NHSL1: variants seen among roughly 807,000 people sequenced by gnomAD.
NHSL1 encodes the protein NHS-like protein 1.
NHSL1 carries 48 observed loss-of-function variants against 95.0 expected under a neutral mutation model. The ratio of observed to expected loss-of-function variants is 0.51; its 90% CI spans 0.40 to 0.64. NHSL1 has a LOEUF of 0.64. Among genes scored for constraint, NHSL1 ranks in the 30% least tolerant of loss-of-function variants. The pLI, the probability that NHSL1 is intolerant of heterozygous loss-of-function variation, is 0.00. For missense variants in NHSL1, 1,971 were observed against 2,077.7 expected (o/e 0.95, Z 1.00); for synonymous variants, 783 against 833.9 (o/e 0.94, Z 1.05).
chr6:138,505,652 CAAAAA>C (rs10559023), intron 1 of NHSL1, among the ~76,000 whole-genome samples: 2 of 87,712 alleles, frequency 2.3e-5, no homozygotes, highest in African/African-American at 4.3e-5. Context: ...GACTCCATTT[CAAAAA>C]AAAAAAAAAA....
At chr6:138,469,600 C>T (rs1778623851) in intron 3 of NHSL1, among the ~76,000 whole-genome samples, 1 of 152,010 alleles carries the variant, frequency 6.6e-6, no homozygotes, top group Non-Finnish European at 1.5e-5. Flanking sequence ...TGATGTGTAC[C>T]TGTAATCTCA....
At chr6:138,653,822 G>A (rs1268843663) in intron 1 of NHSL1, among the ~76,000 whole-genome samples, 2 of 152,130 alleles carry the variant, frequency 1.3e-5, no homozygotes, top group Non-Finnish European at 2.9e-5. Flanking sequence ...AAATACATAT[G>A]AAATGTTTCA....
In NHSL1 at chr6:138,433,378, G is replaced by A. The variant is rs1439224929; in HGVS notation, c.967C>T (p.His323Tyr). 4 of 1,552,158 alleles carry A rather than the reference G, an allele frequency of 2.6e-6. No homozygotes were observed. In the African/African-American group the frequency reaches 5.5e-5, roughly 21 times the overall value. Residue 323 changes from histidine (H) to tyrosine (Y), a missense_variant, in exon 6 of 8, where the codon CAT becomes TAT. By Grantham distance (83) the His-to-Tyr change is moderately conservative. This residue lies in a region of NHSL1 where 1,602 missense variants were observed against 1,654.5 expected (regional missense o/e 0.97). Transcript: ENST00000343505. ...CTTGCTCCAGAACGCGGAAGACTATGGAAGCCAGCATCACTGTCAAGGCGG... is the reference window on the plus strand; with the variant it reads ...CTTGCTCCAGAACGCGGAAGACTATAGAAGCCAGCATCACTGTCAAGGCGG... ...PSRLDSDAGF[H>Y]SLPRSGARAN... is the part of the protein sequence containing the mutation.
chr6:138,461,713 A>T (rs542097323), intron 3 of NHSL1, among the ~76,000 whole-genome samples: 1 of 152,302 alleles, frequency 6.6e-6, no homozygotes, highest in Non-Finnish European at 1.5e-5. Context: ...GCAAGTCTAG[A>T]CAGTTCTTTG....
At chr6:138,601,760 C>T (rs9402982) in intron 1 of NHSL1, among the ~76,000 whole-genome samples, 27,186 of 151,854 alleles carry the variant, frequency 0.18, 3,137 homozygotes, top group East Asian at 0.36. Flanking sequence ...TGCAGTGAAC[C>T]GAGATCACGC....
At chr6:138,555,846 T>C (rs1177599288) in intron 1 of NHSL1, among the ~76,000 whole-genome samples, 1 of 152,132 alleles carries the variant, frequency 6.6e-6, no homozygotes, top group Non-Finnish European at 1.5e-5. Context: ...AGGAACACAC[T>C]CTCAATACCT....
intron 2 of NHSL1, among the ~76,000 whole-genome samples, chr6:138,487,009 G>A (rs1420175731): frequency 6.6e-6 from 1 of 152,208 alleles, no homozygotes; most frequent in Non-Finnish European, 1.5e-5. Flanking sequence ...AGGTGTGAGA[G>A]GTTGTGGTTC....
intron 1 of NHSL1, among the ~76,000 whole-genome samples, chr6:138,670,665 CAAAA>C (rs370888768): frequency 0.05 from 3,483 of 69,416 alleles, 167 homozygotes; most frequent in African/African-American, 0.17. Context: ...GACTCCGTCT[CAAAA>C]AAAAAAAAAA....
rs1465596683 is a variant in NHSL1 at position 138,490,885 on chromosome 6, G to A, written c.211+5334C>T. Reference sequence around the variant, plus strand: ...CTGACCTCGTGATCCGCCCGCCTTGGCCTCCCAAAGTACTGGGATTATAGG... The same window carrying A: ...CTGACCTCGTGATCCGCCCGCCTTGACCTCCCAAAGTACTGGGATTATAGG... On this transcript the variant is annotated intron_variant, in intron 2 of 7. Transcript: ENST00000343505. Among the ~76,000 whole-genome samples the A allele has an allele frequency of 2.6e-5, 4 of 152,182 alleles. No individual in the cohort carries two copies. The East Asian group carries it at 7.7e-4, about 29-fold the overall frequency.
chr6:138,678,304 T>C (rs112092405), intron 1 of NHSL1, among the ~76,000 whole-genome samples: 2 of 152,214 alleles, frequency 1.3e-5, no homozygotes, highest in Non-Finnish European at 2.9e-5. Flanking sequence ...GCCAGAATGA[T>C]AGGCAACACT....
chr6:138,547,514 G>C (rs758881588), upstream of NHSL1, among the ~76,000 whole-genome samples: 1 of 152,140 alleles, frequency 6.6e-6, no homozygotes, highest in Admixed American at 6.5e-5. Context: ...CCGAGTAGCT[G>C]GGATTACAGG....
intron 1 of NHSL1, among the ~76,000 whole-genome samples, chr6:138,519,361 ATTT>A (rs1413111452): frequency 1.3e-5 from 2 of 152,234 alleles, no homozygotes; most frequent in Non-Finnish European, 2.9e-5. Context: ...AACAAATGGA[ATTT>A]TTATGTCTCT....
chr6:138,432,284 C>G lies in NHSL1; in HGVS notation c.2061G>C (p.Lys687Asn). The G allele has an allele frequency of 6.4e-7, 1 of 1,551,296 alleles. No individual in the cohort carries two copies. The change falls in exon 6 of 8, where the codon AAG (lysine) becomes AAC (asparagine). Residue 687 changes from lysine (K) to asparagine (N), a missense_variant. By Grantham distance (94) the Lys-to-Asn change is moderately conservative. Transcript: ENST00000343505. The surrounding 1 kb of genome is among the most constrained non-coding windows in gnomAD (Gnocchi z 4.4). ...GCACCTGCCCGTTGCACTGGCTGCTCTTCTTGGGAATCCTGCGGAGGGAGT... is the reference window on the plus strand; with the variant it reads ...GCACCTGCCCGTTGCACTGGCTGCTGTTCTTGGGAATCCTGCGGAGGGAGT... Reference protein sequence around the residue: ...RTDSLRRIPKKSSQCNGQVLN... With the variant: ...RTDSLRRIPKNSSQCNGQVLN...
intron 1 of NHSL1, among the ~76,000 whole-genome samples, chr6:138,684,104 C>A (rs1785551137): frequency 6.6e-6 from 1 of 151,106 alleles, no homozygotes; most frequent in Non-Finnish European, 1.5e-5. Flanking sequence ...CCCAGCTACT[C>A]GGGAGGCTGA....
intron 1 of NHSL1, among the ~76,000 whole-genome samples, chr6:138,662,447 C>A (rs746738437): frequency 6.6e-6 from 1 of 152,156 alleles, no homozygotes; most frequent in African/African-American, 2.4e-5. Context: ...ATAGTTGTAT[C>A]CTTTGTTTTA....
chr6:138,515,558 T>C (rs1173390591), intron 1 of NHSL1, among the ~76,000 whole-genome samples: 1 of 152,250 alleles, frequency 6.6e-6, no homozygotes, highest in African/African-American at 2.4e-5. Flanking sequence ...GCTGTGCTCC[T>C]GGAGGACAGG....
intron 1 of NHSL1, among the ~76,000 whole-genome samples, chr6:138,591,904 A>G (rs1784234699): frequency 6.6e-6 from 1 of 152,218 alleles, no homozygotes; most frequent in African/African-American, 2.4e-5. Context: ...ATCAGATTGG[A>G]AAAACATAAT....
chr6:138,450,795 C>T (rs1260595164), intron 3 of NHSL1, among the ~76,000 whole-genome samples: 1 of 152,120 alleles, frequency 6.6e-6, no homozygotes, highest in African/African-American at 2.4e-5. Flanking sequence ...AGTAAAACAC[C>T]AGCATGGATG....
intron 1 of NHSL1, among the ~76,000 whole-genome samples, chr6:138,562,762 C>T (rs1302691575): frequency 6.6e-6 from 1 of 152,078 alleles, no homozygotes; most frequent in Admixed American, 6.5e-5. Flanking sequence ...TTTGTCTTTT[C>T]TCGGTTACGA....
Sources: gnomAD v4.1 joint callset for allele counts (sites outside exome capture counted in the v4.1 genomes callset) on GRCh38, gnomAD v4.1.1 for gene constraint, gnomAD v4.1.1 regional missense constraint, Gnocchi (gnomAD v3.1) non-coding constraint, MANE v1.5 for transcripts, NCBI Gene and HGNC (gene_info 2026-07-23, HGNC 2026-07-21) for gene names.